The following SKAP1 variants were observed in gnomAD, a reference collection of about 807,000 sequenced individuals.
The protein encoded by SKAP1 is src kinase associated phosphoprotein 1.
In SKAP1, 44 loss-of-function variants were observed where a neutral mutation model predicts 58.5. The observed-to-expected ratio is 0.75, with a 90% confidence interval of 0.59 to 0.97. The LOEUF (loss-of-function observed/expected upper bound fraction) is 0.97. Ranked by LOEUF, SKAP1 falls within the 50% of genes least tolerant of loss-of-function variation. The pLI, the probability that SKAP1 is intolerant of heterozygous loss-of-function variation, is 0.00. For synonymous variants in SKAP1, 127 were observed against 149.7 expected, an observed-to-expected ratio of 0.85 and a Z score of 1.11; for missense variants, 390 against 435.2, an observed-to-expected ratio of 0.90 and a Z score of 0.92.
chr17:48,224,516 A>G (rs2065045705), intron 4 of SKAP1, among the ~76,000 whole-genome samples: 1 of 152,192 alleles, frequency 6.6e-6, no homozygotes. Context: ...TTGCTCTACA[A>G]CTATTCTTCT....
intron 4 of SKAP1, among the ~76,000 whole-genome samples, chr17:48,327,181 G>T (rs373512884): frequency 2.6e-5 from 4 of 152,150 alleles, no homozygotes; most frequent in African/African-American, 4.8e-5. Flanking sequence ...GTGAGCCACC[G>T]TGCCCAGCAT....
rs754058141 is a variant in SKAP1, at chr17:48,189,459, C to T, written c.322G>A (p.Val108Ile). ...TTCTCCAAGTATCCTTGCTTGATTA[C>T]GTTATCAAGTTCTTGAGCTCCTTTT... ...IVKGAQELDN[V>I]IKQGYLEKKS... Residue 108 changes from valine (V) to isoleucine (I), a missense_variant, in exon 5 of 13, where the codon GTA becomes ATA. By Grantham distance (29) the Val-to-Ile change is conservative (BLOSUM62 3). Coordinates refer to ENST00000336915, the MANE Select transcript of SKAP1 (RefSeq NM_003726.4). 2.0e-5 allele frequency: 32 copies of T among 1,613,408 alleles called. No individual in the cohort carries two copies. Among genetic ancestry groups the T allele is most frequent in the Non-Finnish European group, 2.5e-5 (29 of 1,179,806 alleles).
At chr17:48,367,901 C>T (rs535261069) in intron 2 of SKAP1, among the ~76,000 whole-genome samples, 62 of 141,614 alleles carry the variant, frequency 4.4e-4, no homozygotes, top group Middle Eastern at 3.6e-3. Flanking sequence ...GGTAACAGAA[C>T]GAGATCCTGT....
chr17:48,339,558 GCTAGAATA>G (rs534770775), intron 4 of SKAP1, among the ~76,000 whole-genome samples: 472 of 152,246 alleles, frequency 3.1e-3, no homozygotes, highest in Non-Finnish European at 5.4e-3. Context: ...TCCTATTGGT[GCTAGAATA>G]CTATGTATTA....
intron 4 of SKAP1, among the ~76,000 whole-genome samples, chr17:48,246,490 TAA>T (rs1401983770): frequency 1.3e-5 from 2 of 152,242 alleles, no homozygotes; most frequent in African/African-American, 4.8e-5. Flanking sequence ...ATTCAAACCA[TAA>T]AGCTTTATTT....
chr17:48,309,899 T>C (rs1317861655), intron 4 of SKAP1, among the ~76,000 whole-genome samples: 1 of 152,220 alleles, frequency 6.6e-6, no homozygotes, highest in Admixed American at 6.5e-5. Context: ...ATGTTGGCCT[T>C]GCACCTTTAA....
intron 1 of SKAP1, among the ~76,000 whole-genome samples, chr17:48,415,317 G>A (rs2067719148): frequency 6.6e-6 from 1 of 150,580 alleles, no homozygotes; most frequent in African/African-American, 2.5e-5. Context: ...GGGGAAAAGG[G>A]TTAGCACCAC....
intron 4 of SKAP1, among the ~76,000 whole-genome samples, chr17:48,316,070 C>T (rs960167032): frequency 1.3e-5 from 2 of 152,210 alleles, no homozygotes; most frequent in Non-Finnish European, 2.9e-5. Flanking sequence ...TCTTCCACTC[C>T]TATCCCCCTT....
intron 4 of SKAP1, among the ~76,000 whole-genome samples, chr17:48,299,019 TA>T (rs2066022374): frequency 6.6e-6 from 1 of 152,186 alleles, no homozygotes. Flanking sequence ...GGACATTGCA[TA>T]AGGAACATTC....
At chr17:48,358,828 G>A (rs929253191) in intron 3 of SKAP1, among the ~76,000 whole-genome samples, 1 of 152,108 alleles carries the variant, frequency 6.6e-6, no homozygotes, top group African/African-American at 2.4e-5. Context: ...CTGTGAAGTA[G>A]ATATTATTAG....
intron 10 of SKAP1, among the ~76,000 whole-genome samples, chr17:48,163,096 T>C (rs939217326): frequency 6.6e-6 from 1 of 152,286 alleles, no homozygotes; most frequent in African/African-American, 2.4e-5. Flanking sequence ...AGGTACTATA[T>C]GAGGTAATCA....
chr17:48,273,066 C>A (rs1175120622), intron 4 of SKAP1, among the ~76,000 whole-genome samples: 2 of 152,300 alleles, frequency 1.3e-5, no homozygotes, highest in African/African-American at 2.4e-5. Flanking sequence ...ATCCAGCCAA[C>A]CTCCTGGGAA....
At chr17:48,284,229 T>C (rs1030963735) in intron 4 of SKAP1, among the ~76,000 whole-genome samples, 1 of 152,214 alleles carries the variant, frequency 6.6e-6, no homozygotes, top group Non-Finnish European at 1.5e-5. Flanking sequence ...TAATAATGTT[T>C]TTAAAAAGTA....
rs553288682 is a variant in SKAP1 at position 48,143,381 on chromosome 17, A to AT, written c.979-6045dup. On this transcript the variant is annotated intron_variant, in intron 11 of 12. Transcript: ENST00000336915. ...ATTTTTTATTTGCTAATTATTTTGT[A>AT]TTTTTTTTTTGTAGAGATAAGAGTT... Among the ~76,000 whole-genome samples the AT allele has an allele frequency of 7.3e-3, 1,059 of 145,594 alleles. 9 individuals are homozygous for AT. Among genetic ancestry groups the AT allele is most frequent in the South Asian group, 0.016 (73 of 4,540 alleles).
At chr17:48,148,430 A>T (rs1230918442) in intron 11 of SKAP1, among the ~76,000 whole-genome samples, 3 of 152,220 alleles carry the variant, frequency 2.0e-5, no homozygotes, top group Non-Finnish European at 4.4e-5. Flanking sequence ...ACCATTTCGG[A>T]GCTGATAGAA....
At chr17:48,352,806 G>C (rs547242578) in intron 3 of SKAP1, among the ~76,000 whole-genome samples, 1 of 152,244 alleles carries the variant, frequency 6.6e-6, no homozygotes, top group South Asian at 2.1e-4. Context: ...TGACTCATAA[G>C]TGGCAGGGCC....
At chr17:48,407,499 A>T (rs777180778) in intron 1 of SKAP1, among the ~76,000 whole-genome samples, 29 of 152,162 alleles carry the variant, frequency 1.9e-4, no homozygotes, top group Non-Finnish European at 3.8e-4. Context: ...GATTTCACAT[A>T]CGGTTTTATT....
chr17:48,402,333 ATT>A (rs71366872), intron 1 of SKAP1, among the ~76,000 whole-genome samples: 47 of 146,964 alleles, frequency 3.2e-4, no homozygotes, highest in Non-Finnish European at 4.4e-4. Context: ...TCATAGCAGC[ATT>A]TTTTTTTTTT....
intron 1 of SKAP1, among the ~76,000 whole-genome samples, chr17:48,397,437 G>C (rs12452848): frequency 0.092 from 14,039 of 152,190 alleles, 987 homozygotes; most frequent in African/African-American, 0.17. Context: ...TGTTGCCCAG[G>C]CTGGTTTCGA....
Sources: allele counts gnomAD v4.1 joint callset (sites outside exome capture counted in the v4.1 genomes callset), GRCh38; gene constraint gnomAD v4.1.1; transcripts MANE v1.5; gene names NCBI Gene and HGNC (gene_info 2026-07-23, HGNC 2026-07-21).